The following PPP3CA variants were observed in gnomAD, a reference collection of about 807,000 sequenced individuals.
The protein encoded by PPP3CA is CAM-PRP catalytic subunit.
PPP3CA carries 14 observed loss-of-function variants against 66.5 expected under a neutral mutation model. That is an observed-to-expected ratio of 0.21 (90% CI 0.14 to 0.33). The LOEUF is 0.33. Among genes scored for constraint, PPP3CA ranks in the 10% least tolerant of loss-of-function variants. PPP3CA has a pLI of 1.00. For synonymous variants in PPP3CA, 232 were observed against 226.2 expected (o/e 1.03, Z -0.23); for missense variants, 317 against 639.5 (o/e 0.50, Z 5.44).
At chr4:101,327,559 A>T (rs950241160) in intron 1 of PPP3CA, among the ~76,000 whole-genome samples, 2 of 151,854 alleles carry the variant, frequency 1.3e-5, no homozygotes, top group African/African-American at 4.8e-5. Flanking sequence ...CTTGGTTCCC[A>T]TGTACTACCA....
intron 13 of PPP3CA, among the ~76,000 whole-genome samples, 177 bp from the exon 14 acceptor site, chr4:101,026,238 C>A (rs1002822375): frequency 6.6e-6 from 1 of 152,134 alleles, no homozygotes; most frequent in African/African-American, 2.4e-5. Flanking sequence ...TCGGAAGTAA[C>A]CAAAGGTTTG....
At chr4:101,072,540 T>C (rs979652453) in intron 8 of PPP3CA, among the ~76,000 whole-genome samples, 7 of 152,156 alleles carry the variant, frequency 4.6e-5, no homozygotes, top group Non-Finnish European at 1.0e-4. Flanking sequence ...CAGTAATTCA[T>C]AGGGTTGTTG....
intron 1 of PPP3CA, among the ~76,000 whole-genome samples, chr4:101,236,229 G>A (rs1379493890): frequency 6.6e-6 from 1 of 151,932 alleles, no homozygotes; most frequent in African/African-American, 2.4e-5. Context: ...CGATAATATT[G>A]GACTGGCTCT....
In PPP3CA at chr4:101,109,613, T is replaced by C. The variant is rs114325900; in HGVS notation, c.260-535A>G. 6.9e-3 allele frequency among the ~76,000 whole-genome samples: 1,029 copies of C among 150,094 alleles called. 11 individuals carry two copies. The highest frequency in any genetic ancestry group is 0.024 in the African/African-American group (994 of 40,724). ...CCTGCATTTCACTGAATCTAGAATG[T>C]TATCCATTGTAAGACACATCATTAG... On this transcript the variant is annotated intron_variant, in intron 2 of 13. Transcript: ENST00000394854.
At chr4:101,150,951 T>C (rs1430745335) in intron 2 of PPP3CA, among the ~76,000 whole-genome samples, 1 of 152,150 alleles carries the variant, frequency 6.6e-6, no homozygotes, top group Admixed American at 6.5e-5. Flanking sequence ...CACTCTACCA[T>C]GCTATAAATT....
intron 2 of PPP3CA, among the ~76,000 whole-genome samples, chr4:101,128,225 G>A (rs2110280087): frequency 6.6e-6 from 1 of 152,218 alleles, no homozygotes; most frequent in African/African-American, 2.4e-5. Flanking sequence ...ACTACAGGAT[G>A]ACTAGAATTA....
intron 8 of PPP3CA, among the ~76,000 whole-genome samples, chr4:101,065,391 C>T (rs1728638687): frequency 6.6e-6 from 1 of 152,018 alleles, no homozygotes; most frequent in South Asian, 2.1e-4. Flanking sequence ...GTAATTTCTC[C>T]TCTAAGTTCC....
chr4:101,240,444 G>A (rs183397217), intron 1 of PPP3CA, among the ~76,000 whole-genome samples: 4 of 152,114 alleles, frequency 2.6e-5, no homozygotes, highest in African/African-American at 9.6e-5. Flanking sequence ...GTATATTAGA[G>A]AAACCCATTA....
chr4:101,194,129 T>G (rs1000257959), intron 2 of PPP3CA, among the ~76,000 whole-genome samples: 1 of 152,180 alleles, frequency 6.6e-6, no homozygotes, highest in African/African-American at 2.4e-5. Context: ...TGGGTTAATG[T>G]TCCTCGAGCC....
chr4:101,185,677 T>C (rs1451167746), intron 2 of PPP3CA, among the ~76,000 whole-genome samples: 2 of 152,194 alleles, frequency 1.3e-5, no homozygotes, highest in Non-Finnish European at 2.9e-5. Flanking sequence ...TAGTGGAGAA[T>C]ATTAGGAGAA....
chr4:101,340,403 T>C (rs998910967), intron 1 of PPP3CA, among the ~76,000 whole-genome samples: 30 of 152,198 alleles, frequency 2.0e-4, no homozygotes, highest in African/African-American at 7.2e-4. Context: ...ATTGCCACTT[T>C]GTCAGTGAGG....
chr4:101,241,710 T>C (rs900178230), intron 1 of PPP3CA, among the ~76,000 whole-genome samples: 13 of 152,104 alleles, frequency 8.5e-5, no homozygotes, highest in African/African-American at 3.1e-4. Context: ...ATTTGCTTTA[T>C]TTTTTTACTT....
intron 10 of PPP3CA, among the ~76,000 whole-genome samples, chr4:101,052,665 C>T (rs1000175957): frequency 6.6e-6 from 1 of 151,754 alleles, no homozygotes; most frequent in Non-Finnish European, 1.5e-5. Context: ...TACCTTTTTA[C>T]ACATCTTTCT....
chr4:101,344,331 T>A (rs932524752), intron 1 of PPP3CA, among the ~76,000 whole-genome samples: 1 of 152,170 alleles, frequency 6.6e-6, no homozygotes, highest in Non-Finnish European at 1.5e-5. Flanking sequence ...AAATAACTAA[T>A]AATAAAAATC....
chr4:101,283,169 G>A (rs186554809), intron 1 of PPP3CA, among the ~76,000 whole-genome samples: 13 of 152,290 alleles, frequency 8.5e-5, no homozygotes, highest in East Asian at 1.9e-4. Flanking sequence ...ACGGGAAAGC[G>A]TCAAATTTCA....
At chr4:101,330,383 A>G (rs764272972) in intron 1 of PPP3CA, 9 of 527,320 alleles carry the variant, frequency 1.7e-5, no homozygotes, top group Non-Finnish European at 3.5e-5. Context: ...TTCTTTGCTC[A>G]TCCTTGAGAA....
intron 3 of PPP3CA, among the ~76,000 whole-genome samples, 181 bp downstream of exon 3, chr4:101,108,773 A>G (rs1164640939): frequency 6.6e-6 from 1 of 152,174 alleles, no homozygotes; most frequent in East Asian, 1.9e-4. Context: ...CGTCTCAAAA[A>G]CAAACAAACA....
At chr4:101,203,263 G>A (rs191401086) in intron 1 of PPP3CA, among the ~76,000 whole-genome samples, 9 of 152,284 alleles carry the variant, frequency 5.9e-5, no homozygotes, top group Admixed American at 2.0e-4. Flanking sequence ...TTGCGAGGCC[G>A]AGGTGGGCGG....
At chr4:101,108,488 G>A (rs888876826) in intron 3 of PPP3CA, among the ~76,000 whole-genome samples, 4 of 152,196 alleles carry the variant, frequency 2.6e-5, no homozygotes, top group East Asian at 1.9e-4. Context: ...GAATCACGCC[G>A]GGCATGGTGG....
Sources: allele counts gnomAD v4.1 joint callset (sites outside exome capture counted in the v4.1 genomes callset), GRCh38; gene constraint gnomAD v4.1.1; transcripts MANE v1.5; gene names NCBI Gene and HGNC (gene_info 2026-07-23, HGNC 2026-07-21).